GPS1: variants seen among roughly 807,000 people sequenced by gnomAD.
GPS1 encodes the protein COP9 signalosome complex subunit 1.
GPS1 carries 11 observed loss-of-function variants against 60.0 expected under a neutral mutation model. The observed-to-expected ratio is 0.18, with a 90% CI of 0.12 to 0.30. The LOEUF is 0.30. Ranked by LOEUF, GPS1 falls within the 10% of genes least tolerant of loss-of-function variation. GPS1 has a pLI of 1.00. For missense variants in GPS1, 543 were observed against 669.2 expected, an observed-to-expected ratio of 0.81 and a Z score of 2.08; for synonymous variants, 343 against 269.8, an observed-to-expected ratio of 1.27 and a Z score of -2.66.
chr17:82,056,096 G>A lies in GPS1; in HGVS notation c.929+1G>A. 1 of 1,610,598 alleles carries A rather than the reference G, an allele frequency of 6.2e-7. No homozygotes were observed. Among genetic ancestry groups the A allele is most frequent in the Non-Finnish European group, 8.5e-7 (1 of 1,178,576 alleles). On this transcript the variant is annotated splice_donor_variant, in intron 8 of 12. Coordinates refer to ENST00000578552, the MANE Select transcript of GPS1 (RefSeq NM_001321092.3). LOFTEE classifies it high-confidence loss of function. ...TGCAGCGCAATGTCATCTCCAGCAG[G>A]TAGGTGCCCCGGTCCTGCAGCCCTG...
upstream of GPS1, chr17:82,051,657 CG>C: frequency 1.0e-6 from 1 of 997,274 alleles, no homozygotes; most frequent in Non-Finnish European, 1.2e-6. The surrounding 1 kb of genome is among the most constrained non-coding windows in gnomAD (Gnocchi z 4.1). Context: ...GGCGGGGGTC[CG>C]GGCCGGGGCG....
upstream of GPS1, chr17:82,051,408 G>A (rs1392468576): frequency 1.4e-6 from 2 of 1,403,304 alleles, no homozygotes; most frequent in Non-Finnish European, 1.9e-6. The surrounding 1 kb of genome is among the most constrained non-coding windows in gnomAD (Gnocchi z 4.1). Flanking sequence ...CCCGCCCCGC[G>A]CGGAGCCTCC....
chr17:82,054,480 C>T (rs550977110), intron 3 of GPS1, 30 bp from the exon 4 acceptor site: 60 of 1,470,454 alleles, frequency 4.1e-5, no homozygotes, highest in Middle Eastern at 1.9e-4. Flanking sequence ...CCGTGACCGC[C>T]GCCATCCTGA....
chr17:82,051,690 G>A, upstream of GPS1: 3 of 1,007,966 alleles, frequency 3.0e-6, no homozygotes, highest in Non-Finnish European at 3.5e-6. The surrounding 1 kb of genome is among the most constrained non-coding windows in gnomAD (Gnocchi z 4.1). Context: ...CAGCGGCAGC[G>A]GCAGTAACAG....
chr17:82,051,553 C>A (rs1393851694), upstream of GPS1: 2 of 1,392,494 alleles, frequency 1.4e-6, no homozygotes, highest in South Asian at 1.5e-5. The surrounding 1 kb of genome is among the most constrained non-coding windows in gnomAD (Gnocchi z 4.1). Flanking sequence ...AGGCGCGGCC[C>A]GTGGTTCTTC....
intron 12 of GPS1, 36 bp downstream of exon 12, chr17:82,057,010 G>T: frequency 1.9e-6 from 3 of 1,611,494 alleles, no homozygotes; most frequent in South Asian, 1.1e-5. Context: ...CGCACGGCGT[G>T]TGGGGCCTGG....
chr17:82,054,258 G>C, intron 3 of GPS1: 1 of 729,604 alleles, frequency 1.4e-6, no homozygotes, highest in South Asian at 2.0e-5. Context: ...GATTCCAAGG[G>C]GAGCTGTTGG....
chr17:82,055,158 A>G lies in GPS1; in HGVS notation c.688-4A>G, dbSNP rs776326946. 6 of 1,564,696 alleles carry G rather than the reference A, an allele frequency of 3.8e-6. No individual in the cohort carries two copies. Among genetic ancestry groups the G allele is most frequent in the Non-Finnish European group, 5.2e-6 (6 of 1,154,898 alleles). ...GGCCTCACGCATGTGGCTTCCTCCT[A>G]CAGCAGCGAGGAGAGCGTGACAGCC... On this transcript the variant is annotated splice_region_variant and splice_polypyrimidine_tract_variant and intron_variant, in intron 5 of 12. Transcript: ENST00000578552.
upstream of GPS1, chr17:82,051,250 C>A: frequency 1.5e-6 from 2 of 1,334,444 alleles, no homozygotes; most frequent in Non-Finnish European, 1.9e-6. This position sits in a 1 kb window ranked among gnomAD's most constrained non-coding sequence, Gnocchi z 4.1. Flanking sequence ...GAGAAAGGCT[C>A]GGGGGGCAGA....
chr17:82,051,077 C>T (rs892155272), upstream of GPS1: 3 of 1,365,330 alleles, frequency 2.2e-6, no homozygotes, highest in Non-Finnish European at 1.9e-6. The surrounding 1 kb of genome is among the most constrained non-coding windows in gnomAD (Gnocchi z 4.1). Context: ...CCCCACGCCC[C>T]GGGAAGCGGC....
At chr17:82,054,360 C>T (rs977198696) in intron 3 of GPS1, 150 bp from the exon 4 acceptor site, 3 of 1,056,434 alleles carry the variant, frequency 2.8e-6, no homozygotes, top group Non-Finnish European at 4.0e-6. Flanking sequence ...CTGGTGCAGA[C>T]TGGTCCCTAG....
At position 82,054,528 on chromosome 17, in the gene GPS1, C is replaced by A; in HGVS notation, c.327C>A (p.Pro109=). Reference sequence around the variant, plus strand: ...CTCTCAGGGAGCTGCAGAACGCACCCGACGCCATCCCTGAGAGCGGCGTGG... The same window carrying A: ...CTCTCAGGGAGCTGCAGAACGCACCAGACGCCATCCCTGAGAGCGGCGTGG... ...SEATRELQNA[P]DAIPESGVEP... The change falls in exon 4 of 13, where the codon CCC becomes CCA. Residue 109 remains proline, a synonymous_variant. Coordinates refer to ENST00000578552, the MANE Select transcript of GPS1 (RefSeq NM_001321092.3). 1 of 1,549,270 alleles carries A rather than the reference C, an allele frequency of 6.5e-7. No individual in the cohort carries two copies. The highest frequency in any genetic ancestry group is 8.7e-7 in the Non-Finnish European group (1 of 1,149,034).
Position 82,053,978 on chromosome 17 carries a change from C to T in GPS1, c.237C>T (p.Leu79=), listed in dbSNP as rs2031834646. 6 of 1,612,950 alleles carry T rather than the reference C, an allele frequency of 3.7e-6. No homozygotes were observed. Among genetic ancestry groups the T allele is most frequent in the East Asian group, 2.2e-5 (1 of 44,880 alleles). The change falls in exon 3 of 13, where the codon CTC becomes CTT. Residue 79 remains leucine, a synonymous_variant. Coordinates refer to ENST00000578552, the MANE Select transcript of GPS1 (RefSeq NM_001321092.3). ...TLRVEALKMA[L]SFVQRTFNVD... ...GGGTGGAGGCCCTGAAGATGGCCCT[C>T]TCCTTCGTGCAGAGAACCTTTAACG...
chr17:82,056,242 AG>A, intron 8 of GPS1, 43 bp from the exon 9 acceptor site: 1 of 1,439,640 alleles, frequency 6.9e-7, no homozygotes, highest in South Asian at 1.1e-5. Context: ...ACTTGGAGGG[AG>A]GGGCAGGCAG....
intron 1 of GPS1, 140 bp from the exon 2 acceptor site, chr17:82,053,133 TG>T: frequency 5.3e-6 from 3 of 563,516 alleles, no homozygotes; most frequent in Non-Finnish European, 8.5e-6. Flanking sequence ...AGGGCACACC[TG>T]GGGGACAGCA....
At chr17:82,056,817 C>T in intron 11 of GPS1, 23 bp from the exon 12 acceptor site, 2 of 1,610,836 alleles carry the variant, frequency 1.2e-6, no homozygotes, top group Non-Finnish European at 1.7e-6. Context: ...AGCCTGGGCC[C>T]CGCTGAGCTT....
chr17:82,051,513 C>T (rs2030580101), upstream of GPS1: 7 of 1,390,742 alleles, frequency 5.0e-6, no homozygotes, highest in South Asian at 1.6e-5. This position sits in a 1 kb window ranked among gnomAD's most constrained non-coding sequence, Gnocchi z 4.1. Flanking sequence ...CTGGCGGGCC[C>T]GGGAGATCCA....
intron 6 of GPS1, 21 bp from the exon 7 acceptor site, chr17:82,055,719 G>A (rs535538971): frequency 1.9e-4 from 112 of 595,128 alleles, no homozygotes; most frequent in African/African-American, 3.6e-4. Flanking sequence ...CCCCCTCCCC[G>A]CCCCCGGCTC....
chr17:82,052,134 C>G (rs1403317866), intron 1 of GPS1, 170 bp downstream of exon 1: 1 of 968,248 alleles, frequency 1.0e-6, no homozygotes, highest in Admixed American at 4.2e-5. Context: ...GAGGGCGCGT[C>G]TCCGCCGTGG....
Sources: gnomAD v4.1 joint callset for allele counts on GRCh38, gnomAD v4.1.1 for gene constraint, Gnocchi (gnomAD v3.1) non-coding constraint, MANE v1.5 for transcripts, NCBI Gene and HGNC (gene_info 2026-07-23, HGNC 2026-07-21) for gene names.